Variants in WWP2 observed in about 807,000 individuals in gnomAD.
The protein encoded by WWP2 is NEDD4-like E3 ubiquitin-protein ligase WWP2.
Under a neutral mutation model 121.0 loss-of-function variants are expected in WWP2, and 57 were observed. The ratio of observed to expected loss-of-function variants is 0.47; its 90% CI spans 0.38 to 0.59. The LOEUF is 0.59. Ranked by LOEUF, WWP2 falls within the 20% of genes least tolerant of loss-of-function variation. WWP2 has a pLI of 0.00. For synonymous variants in WWP2, 449 were observed against 441.3 expected (o/e 1.02, Z -0.22); for missense variants, 962 against 1,158.9 (o/e 0.83, Z 2.47).
In WWP2 at chr16:69,861,971, G is replaced by A. The variant is rs1296782341; in HGVS notation, c.576-9833G>A. Reference sequence around the variant, plus strand: ...GTTCTAGTAATCCTAGGCAAATACCGCTTACCCGGATTGGAATGTGAGAGG... The same window carrying A: ...GTTCTAGTAATCCTAGGCAAATACCACTTACCCGGATTGGAATGTGAGAGG... On this transcript the variant is annotated intron_variant, in intron 6 of 23. Coordinates refer to ENST00000359154, the MANE Select transcript of WWP2 (RefSeq NM_001270454.2). 2.6e-5 allele frequency among the ~76,000 whole-genome samples: 4 copies of A among 152,092 alleles called. No individual in the cohort carries two copies. The East Asian group carries it at 7.7e-4, about 29-fold the overall frequency.
intron 2 of WWP2, among the ~76,000 whole-genome samples, chr16:69,791,516 C>T (rs1014002550): frequency 6.6e-6 from 1 of 152,174 alleles, no homozygotes; most frequent in African/African-American, 2.4e-5. Flanking sequence ...GCGTAAGCCA[C>T]TGCACCTGGC....
intron 4 of WWP2, among the ~76,000 whole-genome samples, chr16:69,807,018 C>G (rs2056292157): frequency 1.3e-5 from 2 of 150,658 alleles, no homozygotes; most frequent in African/African-American, 4.9e-5. Context: ...TGAAAGCTTA[C>G]TGCATTTATC....
intron 1 of WWP2, among the ~76,000 whole-genome samples, chr16:69,769,802 T>C (rs1409228616): frequency 1.3e-5 from 2 of 152,036 alleles, no homozygotes; most frequent in African/African-American, 4.8e-5. Flanking sequence ...TTGTGAAATA[T>C]ATATTTAGTC....
At chr16:69,871,679 G>C in intron 6 of WWP2, 125 bp from the exon 7 acceptor site, 1 of 1,384,084 alleles carries the variant, frequency 7.2e-7, no homozygotes, top group Non-Finnish European at 9.9e-7. Context: ...CAAAACTAGA[G>C]GGGCTATTAA....
chr16:69,772,784 C>T lies in WWP2; in HGVS notation c.-16+10393C>T, dbSNP rs556142843. ...GCCAGTCTTCAGTCTGGTCCTGAGT[C>T]GAGTCCTCCCTCCTGCCTCACCACC... On this transcript the variant is annotated intron_variant, in intron 1 of 23. Transcript: ENST00000359154. Among the ~76,000 whole-genome samples, 48 of 152,066 alleles carry T rather than the reference C, an allele frequency of 3.2e-4. 1 individual carries two copies. The highest frequency in any genetic ancestry group is 1.2e-3 in the African/African-American group (48 of 41,480).
At chr16:69,928,676 G>C (rs2058671242) in intron 11 of WWP2, among the ~76,000 whole-genome samples, 1 of 152,160 alleles carries the variant, frequency 6.6e-6, no homozygotes, top group Non-Finnish European at 1.5e-5. Flanking sequence ...TTGGGAGGCT[G>C]AGGCGGGAGG....
chr16:69,896,833 TC>T (rs2058112221), intron 8 of WWP2, among the ~76,000 whole-genome samples: 1 of 152,130 alleles, frequency 6.6e-6, no homozygotes, highest in Admixed American at 6.5e-5. Flanking sequence ...CATGCAGTCT[TC>T]CCTCTGTGAG....
At chr16:69,889,701 C>G (rs981187793) in intron 8 of WWP2, among the ~76,000 whole-genome samples, 1 of 152,172 alleles carries the variant, frequency 6.6e-6, no homozygotes, top group Non-Finnish European at 1.5e-5. Context: ...CTTCGCAGCT[C>G]TGATCATGGT....
intron 10 of WWP2, 150 bp downstream of exon 10, chr16:69,918,033 A>G (rs906758536): frequency 9.4e-6 from 10 of 1,064,188 alleles, no homozygotes; most frequent in Admixed American, 5.7e-5. Flanking sequence ...TACTCATCAC[A>G]GTGAAATTCC....
rs1252164039 is a variant in WWP2 at position 69,925,045 on chromosome 16, C to T, written c.1180-385C>T. 3.0e-6 allele frequency: 3 copies of T among 1,007,728 alleles called. No individual in the cohort carries two copies. Among genetic ancestry groups the T allele is most frequent in the South Asian group, 4.5e-5 (1 of 22,036 alleles). The allele number at this position is 1,007,728 out of a possible 1,614,324, so 62.4% of individuals were successfully genotyped here. A position where few individuals can be genotyped will look rare whatever the true frequency, so the allele number is the denominator to read the frequency against. On this transcript the variant is annotated intron_variant, in intron 10 of 23. Coordinates refer to ENST00000359154, the MANE Select transcript of WWP2 (RefSeq NM_001270454.2). This position sits in a 1 kb window ranked among gnomAD's most constrained non-coding sequence, Gnocchi z 4.0. ...TGGAGGTGGTGGTGATTTCAGTCGCCTTGGCCGCCTTGAGCCGGAGCTGAG... is the reference window on the plus strand; with the variant it reads ...TGGAGGTGGTGGTGATTTCAGTCGCTTTGGCCGCCTTGAGCCGGAGCTGAG...
At chr16:69,929,258 A>G (rs1212460235) in intron 11 of WWP2, among the ~76,000 whole-genome samples, 190 bp from the exon 12 acceptor site, 1 of 151,862 alleles carries the variant, frequency 6.6e-6, no homozygotes, top group Non-Finnish European at 1.5e-5. Flanking sequence ...ACCACCAACA[A>G]GGAAGGACCC....
chr16:69,801,032 T>C (rs2151816098), intron 4 of WWP2, among the ~76,000 whole-genome samples: 1 of 147,436 alleles, frequency 6.8e-6, no homozygotes, highest in East Asian at 2.1e-4. Flanking sequence ...CTAAGAAAAA[T>C]ACAACAATTA....
intron 10 of WWP2, among the ~76,000 whole-genome samples, chr16:69,922,264 T>A (rs7192872): frequency 6.6e-6 from 1 of 151,544 alleles, no homozygotes. Context: ...AAAAAAAAAA[T>A]GCCTGCGTTC....
Position 69,793,048 on chromosome 16 carries a change from C to T in WWP2, c.71-5634C>T, listed in dbSNP as rs114495266. Among the ~76,000 whole-genome samples, 986 of 152,166 alleles carry T rather than the reference C, an allele frequency of 6.5e-3. 10 individuals carry two copies. Among genetic ancestry groups the T allele is most frequent in the African/African-American group, 0.023 (943 of 41,520 alleles). ...TAATCACCCAGTGGGTTCTTCTTGC[C>T]CACTGCACAGATAAAATAAATTCAC... On this transcript the variant is annotated intron_variant, in intron 2 of 23. Transcript: ENST00000359154.
chr16:69,931,961 G>T, intron 16 of WWP2, 71 bp downstream of exon 16: 1 of 1,414,440 alleles, frequency 7.1e-7, no homozygotes, highest in Non-Finnish European at 9.8e-7. Flanking sequence ...TGGCCAGAAA[G>T]CTGCCTGCCC....
At chr16:69,884,627 T>TA (rs2057891577) in intron 7 of WWP2, among the ~76,000 whole-genome samples, 4 of 152,036 alleles carry the variant, frequency 2.6e-5, no homozygotes, top group Admixed American at 2.6e-4. Context: ...GACCCTATCT[T>TA]AAAAACAAAA....
At chr16:69,936,796 G>A (rs981338784) in intron 19 of WWP2, 1 of 473,076 alleles carries the variant, frequency 2.1e-6, no homozygotes, top group South Asian at 2.5e-5. Flanking sequence ...CGTCTCACGT[G>A]TGCCCGTTCT....
intron 1 of WWP2, among the ~76,000 whole-genome samples, chr16:69,781,157 AGTCT>A (rs950504676): frequency 8.6e-4 from 130 of 151,152 alleles, no homozygotes; most frequent in African/African-American, 2.9e-3. Flanking sequence ...CTGAGATGGG[AGTCT>A]GTCTGCACGT....
chr16:69,838,057 A>C (rs1041046906), intron 4 of WWP2, among the ~76,000 whole-genome samples: 2 of 152,110 alleles, frequency 1.3e-5, no homozygotes, highest in African/African-American at 4.8e-5. Context: ...CCATGTCTCT[A>C]TAAAAAAAAA....
Sources: gnomAD v4.1 joint callset for allele counts (sites outside exome capture counted in the v4.1 genomes callset) on GRCh38, gnomAD v4.1.1 for gene constraint, Gnocchi (gnomAD v3.1) non-coding constraint, MANE v1.5 for transcripts, NCBI Gene and HGNC (gene_info 2026-07-23, HGNC 2026-07-21) for gene names.